Variants in PDE6D observed in about 807,000 individuals in gnomAD.
The protein encoded by PDE6D is retinal rod rhodopsin-sensitive cGMP 3',5'-cyclic phosphodiesterase subunit delta.
In PDE6D, 10 loss-of-function variants were observed where a neutral mutation model predicts 21.9. That is an observed-to-expected ratio of 0.46 (90% CI 0.28 to 0.78). The LOEUF is 0.78. PDE6D is among the 30% of genes least tolerant of loss of function. The pLI is 0.12. For missense variants in PDE6D, 139 were observed against 184.8 expected, an observed-to-expected ratio of 0.75 and a Z score of 1.44; for synonymous variants, 59 against 63.5, an observed-to-expected ratio of 0.93 and a Z score of 0.34.
At chr2:231,754,975 T>C (rs2048871468) in intron 1 of PDE6D, among the ~76,000 whole-genome samples, 1 of 152,116 alleles carries the variant, frequency 6.6e-6, no homozygotes, top group Admixed American at 6.5e-5. Flanking sequence ...AATGTGATGG[T>C]ATTAGGAGGT....
chr2:231,755,793 G>A (rs2048878581), intron 1 of PDE6D, among the ~76,000 whole-genome samples: 1 of 152,124 alleles, frequency 6.6e-6, no homozygotes, highest in African/African-American at 2.4e-5. Flanking sequence ...GGTGGCGCAT[G>A]CCCGTAATCC....
chr2:231,759,578 G>A (rs1438298392), intron 1 of PDE6D, among the ~76,000 whole-genome samples: 1 of 152,146 alleles, frequency 6.6e-6, no homozygotes, highest in Non-Finnish European at 1.5e-5. Flanking sequence ...GAAAGGGATA[G>A]AGAAGCACTA....
rs200260243 is a variant in PDE6D at position 231,739,056 on chromosome 2, T to G, written c.139+44A>C. ...GCTCTCTTATGCTCAGGTGCTAGTC[T>G]GGCATTGGTCACAGCCCTGTGTAGA... On this transcript the variant is annotated intron_variant, in intron 2 of 4. Coordinates refer to ENST00000287600, the MANE Select transcript of PDE6D (RefSeq NM_002601.4). This position sits in a 1 kb window ranked among gnomAD's most constrained non-coding sequence, Gnocchi z 4.2. 41 of 1,258,734 alleles carry G rather than the reference T, an allele frequency of 3.3e-5. No homozygotes were observed. Among genetic ancestry groups the G allele is most frequent in the East Asian group, 6.9e-5 (3 of 43,300 alleles). The allele number at this position is 1,258,734 out of a possible 1,614,324, so 78.0% of individuals were successfully genotyped here. A position where few individuals can be genotyped will look rare whatever the true frequency, so the allele number is the denominator to read the frequency against.
rs1161718832 is a variant in PDE6D at position 231,781,268 on chromosome 2, G to A, written c.-154C>T. ...CAGGACCGGCCTCTCTCTCCCCTCAGCTCCCGCTTCTGATCCCTTCTCCTT... is the reference window on the plus strand; with the variant it reads ...CAGGACCGGCCTCTCTCTCCCCTCAACTCCCGCTTCTGATCCCTTCTCCTT... On this transcript the variant is annotated 5_prime_UTR_variant, in exon 1 of 5. Transcript: ENST00000287600. 1 of 661,232 alleles carries A rather than the reference G, an allele frequency of 1.5e-6. No homozygotes were observed. Among genetic ancestry groups the A allele is most frequent in the South Asian group, 1.8e-5 (1 of 55,058 alleles). The allele number at this position is 661,232 out of a possible 1,614,324, so 41.0% of individuals were successfully genotyped here.
intron 1 of PDE6D, among the ~76,000 whole-genome samples, chr2:231,758,985 T>TCCACA (rs1226705666): frequency 1.3e-5 from 2 of 151,824 alleles, no homozygotes; most frequent in South Asian, 4.2e-4. Flanking sequence ...GAAGGGGTGG[T>TCCACA]CCACAGTGGA....
chr2:231,758,422 C>T (rs576352910), intron 1 of PDE6D, among the ~76,000 whole-genome samples: 4 of 152,272 alleles, frequency 2.6e-5, no homozygotes, highest in Middle Eastern at 3.4e-3. Context: ...CAGGCATAAG[C>T]CACTGCATCT....
chr2:231,749,388 A>G (rs930320047), intron 1 of PDE6D, among the ~76,000 whole-genome samples: 2 of 151,496 alleles, frequency 1.3e-5, no homozygotes, highest in Non-Finnish European at 2.9e-5. Context: ...GAATGGCTGT[A>G]TTTACTCAAT....
At chr2:231,743,643 A>G (rs2048768979) in intron 1 of PDE6D, among the ~76,000 whole-genome samples, 1 of 151,728 alleles carries the variant, frequency 6.6e-6, no homozygotes. Context: ...TATGCTCAAT[A>G]CATCTCCAGA....
At chr2:231,738,401 C>T (rs1478378336) in intron 2 of PDE6D, among the ~76,000 whole-genome samples, 3 of 152,144 alleles carry the variant, frequency 2.0e-5, no homozygotes, top group Non-Finnish European at 4.4e-5. Context: ...CATCTAAGGG[C>T]CTCATCTAAC....
At chr2:231,758,326 C>T (rs2048899762) in intron 1 of PDE6D, among the ~76,000 whole-genome samples, 1 of 151,532 alleles carries the variant, frequency 6.6e-6, no homozygotes, top group East Asian at 1.9e-4. Context: ...TTTGTAGAGA[C>T]AAGGTCTCAC....
At chr2:231,733,139 T>C in intron 4 of PDE6D, 106 bp from the exon 5 acceptor site, 3 of 750,030 alleles carry the variant, frequency 4.0e-6, no homozygotes, top group Non-Finnish European at 7.2e-6. Flanking sequence ...CCAATGGACA[T>C]GCACCCACCC....
rs1248124116 is a variant in PDE6D at position 231,750,227 on chromosome 2, G to GT, written c.51-11040_51-11039insA. 2.0e-5 allele frequency among the ~76,000 whole-genome samples: 3 copies of GT among 152,262 alleles called. No individual in the cohort carries two copies. In the East Asian group the frequency reaches 5.8e-4, roughly 29 times the overall value. ...ATTGTGAGGTCACCCCAGCCATGTG[G>GT]AACTGTAAGTCCAATTAAACCTTTT... On this transcript the variant is annotated intron_variant, in intron 1 of 4. Transcript: ENST00000287600.
chr2:231,748,258 T>C (rs2048810286), intron 1 of PDE6D, among the ~76,000 whole-genome samples: 1 of 152,186 alleles, frequency 6.6e-6, no homozygotes. Context: ...GATAGCAATA[T>C]GGACAATAAA....
At chr2:231,764,458 A>G (rs545795368) in intron 1 of PDE6D, among the ~76,000 whole-genome samples, 18 of 152,340 alleles carry the variant, frequency 1.2e-4, no homozygotes, top group African/African-American at 4.3e-4. Flanking sequence ...GTTATGGGGA[A>G]TATTAATTTT....
intron 1 of PDE6D, among the ~76,000 whole-genome samples, chr2:231,748,642 C>T (rs987672603): frequency 6.6e-6 from 1 of 152,238 alleles, no homozygotes; most frequent in Non-Finnish European, 1.5e-5. Context: ...CACAAGGCCA[C>T]ATCAGAGAAC....
At chr2:231,766,918 C>T (rs573625208) in intron 1 of PDE6D, among the ~76,000 whole-genome samples, 54 of 141,736 alleles carry the variant, frequency 3.8e-4, no homozygotes, top group African/African-American at 1.2e-3. Flanking sequence ...GGCTGGAATC[C>T]GGGAGGCGGA....
At chr2:231,742,830 C>G (rs1671566313) in intron 1 of PDE6D, among the ~76,000 whole-genome samples, 2 of 152,194 alleles carry the variant, frequency 1.3e-5, no homozygotes, top group African/African-American at 4.8e-5. Flanking sequence ...AAGGCCTAGC[C>G]TTGGACACGT....
Position 231,739,395 on chromosome 2 carries a change from T to C in PDE6D, c.51-207A>G. On this transcript the variant is annotated intron_variant, in intron 1 of 4. Transcript: ENST00000287600. The surrounding 1 kb of genome is among the most constrained non-coding windows in gnomAD (Gnocchi z 4.2). ...CAGAAACCTAGAGAAGTTACTTTTATCTATGAGAATCCTAAGACTGCACAC... is the reference window on the plus strand; with the variant it reads ...CAGAAACCTAGAGAAGTTACTTTTACCTATGAGAATCCTAAGACTGCACAC... 1 of 673,288 alleles carries C rather than the reference T, an allele frequency of 1.5e-6. No individual in the cohort carries two copies. The highest frequency in any genetic ancestry group is 2.9e-5 in the East Asian group (1 of 34,936). The allele number at this position is 673,288 out of a possible 1,614,324, so 41.7% of individuals were successfully genotyped here.
At chr2:231,748,768 C>T (rs2048813516) in intron 1 of PDE6D, among the ~76,000 whole-genome samples, 2 of 152,200 alleles carry the variant, frequency 1.3e-5, no homozygotes, top group South Asian at 4.1e-4. Flanking sequence ...GTCCCAGCTG[C>T]TCCAGCCGTG....
Sources: allele counts gnomAD v4.1 joint callset (sites outside exome capture counted in the v4.1 genomes callset), GRCh38; gene constraint gnomAD v4.1.1; non-coding constraint Gnocchi (gnomAD v3.1); transcripts MANE v1.5; gene names NCBI Gene and HGNC (gene_info 2026-07-23, HGNC 2026-07-21).